Variants in BAZ2B observed in about 807,000 individuals in gnomAD.
BAZ2B encodes the protein bromodomain adjacent to zinc finger domain 2B.
In BAZ2B, 91 loss-of-function variants were observed where a neutral mutation model predicts 246.0. The observed-to-expected ratio is 0.37, with a 90% confidence interval of 0.31 to 0.44. The LOEUF (loss-of-function observed/expected upper bound fraction) is 0.44, where lower values mean the gene tolerates loss of function less well. BAZ2B is among the 20% of genes least tolerant of loss of function. The probability of loss-of-function intolerance (pLI) is 1.00; values close to 1 mark genes in which losing one functional copy is unlikely to be tolerated. For synonymous variants in BAZ2B, 855 were observed against 860.0 expected (o/e 0.99, Z 0.10); for missense variants, 2,332 against 2,533.7 (o/e 0.92, Z 1.71).
intron 13 of BAZ2B, among the ~76,000 whole-genome samples, chr2:159,427,351 T>G (rs918178835): frequency 2.6e-5 from 4 of 152,110 alleles, no homozygotes; most frequent in Admixed American, 6.6e-5. Flanking sequence ...CTTAACACTG[T>G]AAGCTCAAAG....
At chr2:159,613,856 T>A (rs1316575019) in intron 1 of BAZ2B, among the ~76,000 whole-genome samples, 1 of 152,190 alleles carries the variant, frequency 6.6e-6, no homozygotes, top group Non-Finnish European at 1.5e-5. Context: ...CTATATAGCA[T>A]ATTACATGAA....
the BAZ2B span, among the ~76,000 whole-genome samples, chr2:159,697,192 A>T: frequency 6.6e-6 from 1 of 150,904 alleles, no homozygotes; most frequent in Admixed American, 6.8e-5. Flanking sequence ...ATCTTTTAAT[A>T]GTTTTGTAAA....
intron 6 of BAZ2B, among the ~76,000 whole-genome samples, chr2:159,440,809 T>C (rs1348004447): frequency 3.3e-5 from 5 of 152,036 alleles, no homozygotes; most frequent in Admixed American, 2.6e-4. Context: ...ACATCTGGCC[T>C]TGCAATGACT....
chr2:159,631,942 T>C, the BAZ2B span, among the ~76,000 whole-genome samples: 3 of 152,294 alleles, frequency 2.0e-5, no homozygotes, highest in East Asian at 3.9e-4. Context: ...AGATTTCATT[T>C]TTAAAAAGAA....
intron 1 of BAZ2B, among the ~76,000 whole-genome samples, chr2:159,599,777 A>G (rs1691648380): frequency 6.6e-6 from 1 of 151,782 alleles, no homozygotes; most frequent in Admixed American, 6.6e-5. Context: ...TCTACTAAAA[A>G]TACAAAAAAT....
chr2:159,665,681 C>T, the BAZ2B span, among the ~76,000 whole-genome samples: 8 of 147,436 alleles, frequency 5.4e-5, no homozygotes, highest in African/African-American at 1.5e-4. Context: ...CCCTTCCTTA[C>T]ACCTTATACA....
At chr2:159,604,932 TTG>T (rs144735173) in intron 1 of BAZ2B, among the ~76,000 whole-genome samples, 7 of 123,244 alleles carry the variant, frequency 5.7e-5, no homozygotes, top group African/African-American at 8.0e-5. Context: ...TTAATATATT[TTG>T]TGTGTGTGTG....
intron 34 of BAZ2B, among the ~76,000 whole-genome samples, chr2:159,327,191 A>G (rs2063838783): frequency 1.3e-5 from 2 of 152,016 alleles, no homozygotes; most frequent in Admixed American, 1.3e-4. Flanking sequence ...AGCTGGGGCT[A>G]CGAGTGTGAG....
intron 2 of BAZ2B, among the ~76,000 whole-genome samples, chr2:159,522,346 T>G (rs1352700793): frequency 6.6e-6 from 1 of 152,122 alleles, no homozygotes; most frequent in Admixed American, 6.5e-5. Flanking sequence ...CAAATTAGGT[T>G]TTCAATTCAC....
At chr2:159,466,090 T>A (rs2150701452) in intron 3 of BAZ2B, among the ~76,000 whole-genome samples, 1 of 152,340 alleles carries the variant, frequency 6.6e-6, no homozygotes, top group South Asian at 2.1e-4. Context: ...TCCCTGATGA[T>A]TCTCTACTAA....
intron 13 of BAZ2B, among the ~76,000 whole-genome samples, chr2:159,419,001 G>A (rs559830675): frequency 6.6e-6 from 1 of 152,268 alleles, no homozygotes; most frequent in African/African-American, 2.4e-5. Flanking sequence ...TAGTCATTTG[G>A]TAGATTGATC....
the BAZ2B span, among the ~76,000 whole-genome samples, chr2:159,655,160 G>C: frequency 6.6e-6 from 1 of 152,166 alleles, no homozygotes; most frequent in Non-Finnish European, 1.5e-5. Context: ...AGTGAAGAAA[G>C]AGGCTGAGGC....
intron 16 of BAZ2B, among the ~76,000 whole-genome samples, chr2:159,402,347 G>A (rs1028734752): frequency 7.9e-5 from 12 of 152,184 alleles, no homozygotes; most frequent in Admixed American, 3.3e-4. Flanking sequence ...CTACCTGGGA[G>A]GCTGAGGCAG....
At chr2:159,329,211 T>C (rs1318824492) in intron 34 of BAZ2B, among the ~76,000 whole-genome samples, 1 of 148,748 alleles carries the variant, frequency 6.7e-6, no homozygotes, top group East Asian at 2.0e-4. Context: ...TAAAAAATAA[T>C]AAATAAAAAA....
chr2:159,622,349 C>T, the BAZ2B span, among the ~76,000 whole-genome samples: 1 of 150,790 alleles, frequency 6.6e-6, no homozygotes, highest in Non-Finnish European at 1.5e-5. Context: ...CTTGGATCTG[C>T]TCCAAAAATA....
At chr2:159,663,712 T>C in the BAZ2B span, among the ~76,000 whole-genome samples, 1 of 151,680 alleles carries the variant, frequency 6.6e-6, no homozygotes, top group Non-Finnish European at 1.5e-5. Context: ...AGAGACGGGG[T>C]TTCACTATGT....
chr2:159,413,223 C>T (rs960938177), intron 13 of BAZ2B, among the ~76,000 whole-genome samples: 31 of 152,106 alleles, frequency 2.0e-4, no homozygotes, highest in African/African-American at 7.0e-4. Context: ...TTAAAAGAAA[C>T]ACGGAAGTAT....
intron 2 of BAZ2B, among the ~76,000 whole-genome samples, chr2:159,526,552 A>T (rs1043370469): frequency 1.3e-5 from 2 of 152,200 alleles, no homozygotes; most frequent in Non-Finnish European, 2.9e-5. Flanking sequence ...ATATTAACAT[A>T]GATATATATC....
intron 13 of BAZ2B, among the ~76,000 whole-genome samples, chr2:159,416,583 T>C (rs2067757855): frequency 6.6e-6 from 1 of 152,210 alleles, no homozygotes; most frequent in Non-Finnish European, 1.5e-5. Flanking sequence ...ACAAAATCAA[T>C]TTTTGGCCAA....
Sources: gnomAD v4.1 joint callset for allele counts (sites outside exome capture counted in the v4.1 genomes callset) on GRCh38, gnomAD v4.1.1 for gene constraint, MANE v1.5 for transcripts, NCBI Gene and HGNC (gene_info 2026-07-23, HGNC 2026-07-21) for gene names.